GPBP1: variants seen among roughly 807,000 people sequenced by gnomAD.
GPBP1 encodes GC-rich promoter binding protein 1, also known as vasculin.
GPBP1 carries 13 observed loss-of-function variants against 56.5 expected under a neutral mutation model. The observed-to-expected ratio is 0.23, with a 90% confidence interval of 0.15 to 0.37. The LOEUF (loss-of-function observed/expected upper bound fraction) is 0.37, where lower values mean the gene tolerates loss of function less well. Among genes scored for constraint, GPBP1 ranks in the 10% least tolerant of loss-of-function variants. The probability of loss-of-function intolerance (pLI) is 1.00; values close to 1 mark genes in which losing one functional copy is unlikely to be tolerated. For synonymous variants in GPBP1, 204 were observed against 188.9 expected (o/e 1.08, Z -0.66); for missense variants, 477 against 572.3 (o/e 0.83, Z 1.70).
intron 10 of GPBP1, among the ~76,000 whole-genome samples, chr5:57,255,491 G>A (rs1741617017): frequency 6.6e-6 from 1 of 152,230 alleles, no homozygotes; most frequent in Non-Finnish European, 1.5e-5. Context: ...GGTAGAAAGG[G>A]AAAAGGCCTG....
intron 5 of GPBP1, among the ~76,000 whole-genome samples, chr5:57,234,924 G>T (rs961738319): frequency 2.0e-5 from 3 of 152,126 alleles, no homozygotes; most frequent in Admixed American, 1.3e-4. Flanking sequence ...GAAACCTGAA[G>T]CAGAGAAACC....
chr5:57,195,266 C>G (rs999330620), intron 2 of GPBP1, among the ~76,000 whole-genome samples: 2 of 152,050 alleles, frequency 1.3e-5, no homozygotes, highest in Non-Finnish European at 2.9e-5. Flanking sequence ...AGTGGTCCTC[C>G]CATGTCAGCC....
At chr5:57,239,996 C>T (rs991857737) in intron 6 of GPBP1, among the ~76,000 whole-genome samples, 2 of 152,080 alleles carry the variant, frequency 1.3e-5, no homozygotes, top group African/African-American at 2.4e-5. Flanking sequence ...TGCAGTGGCT[C>T]ATGCCTGTAA....
chr5:57,255,037 A>C (rs1423376749), intron 10 of GPBP1, among the ~76,000 whole-genome samples: 2 of 152,242 alleles, frequency 1.3e-5, no homozygotes, highest in Admixed American at 1.3e-4. Context: ...TAAAAAGATT[A>C]ACATAAACAG....
At chr5:57,189,483 C>T (rs1300051855) in intron 2 of GPBP1, among the ~76,000 whole-genome samples, 1 of 152,182 alleles carries the variant, frequency 6.6e-6, no homozygotes, top group African/African-American at 2.4e-5. Flanking sequence ...GTCTCGAACT[C>T]CTGGCCTGTG....
chr5:57,215,809 G>C (rs1263924332), intron 3 of GPBP1, among the ~76,000 whole-genome samples: 4 of 151,646 alleles, frequency 2.6e-5, no homozygotes, highest in African/African-American at 9.7e-5. Flanking sequence ...GCAATAGCCT[G>C]AATCTTCTAA....
intron 2 of GPBP1, among the ~76,000 whole-genome samples, chr5:57,209,499 C>G (rs771612119): frequency 6.6e-6 from 1 of 152,094 alleles, no homozygotes; most frequent in Non-Finnish European, 1.5e-5. Flanking sequence ...TGCCTAGTTG[C>G]TATGGTTAGA....
chr5:57,254,692 CAAA>C (rs541890019), intron 10 of GPBP1, among the ~76,000 whole-genome samples: 15 of 79,802 alleles, frequency 1.9e-4, no homozygotes, highest in Non-Finnish European at 1.9e-4. Context: ...GAGACTGTCT[CAAA>C]AAAAAAAAAA....
chr5:57,248,489 G>T (rs1374214985), intron 8 of GPBP1, among the ~76,000 whole-genome samples: 1 of 147,678 alleles, frequency 6.8e-6, no homozygotes, highest in Admixed American at 6.9e-5. Flanking sequence ...GTGCAGTGGC[G>T]GGATCTCGGC....
intron 10 of GPBP1, 97 bp downstream of exon 10, chr5:57,251,238 A>G (rs571145468): frequency 1.6e-5 from 16 of 1,001,272 alleles, no homozygotes; most frequent in Non-Finnish European, 1.5e-6. Context: ...ATTGGAATAC[A>G]ACTTACGCCA....
intron 6 of GPBP1, among the ~76,000 whole-genome samples, chr5:57,242,910 T>G (rs548956100): frequency 6.6e-6 from 1 of 151,916 alleles, no homozygotes; most frequent in Admixed American, 6.6e-5. Flanking sequence ...CCACCACACC[T>G]GGCTAACTTT....
chr5:57,249,313 G>A (rs1741249946), intron 8 of GPBP1, 96 bp from the exon 9 acceptor site: 1 of 912,644 alleles, frequency 1.1e-6, no homozygotes, highest in South Asian at 1.8e-5. Flanking sequence ...TATTTTGTGA[G>A]TAAAGGTAAA....
intron 2 of GPBP1, among the ~76,000 whole-genome samples, chr5:57,204,133 T>C (rs1561336292): frequency 6.6e-6 from 1 of 152,202 alleles, no homozygotes; most frequent in Non-Finnish European, 1.5e-5. Context: ...TAATAAAGTT[T>C]CGTTAATTAT....
intron 2 of GPBP1, among the ~76,000 whole-genome samples, chr5:57,188,517 G>T (rs1754385573): frequency 6.6e-6 from 1 of 151,918 alleles, no homozygotes; most frequent in African/African-American, 2.4e-5. Context: ...GAGGCAGGTG[G>T]ATTGCTCGGG....
chr5:57,177,658 T>TC (rs1437223195), intron 2 of GPBP1, among the ~76,000 whole-genome samples: 2 of 74,102 alleles, frequency 2.7e-5, no homozygotes, highest in African/African-American at 4.0e-5. Flanking sequence ...CTTTTTTTTT[T>TC]TTTTTTTTTT....
At position 57,226,553 on chromosome 5, in the gene GPBP1, C is replaced by CTTT. The variant is rs34180383; in HGVS notation, c.64-4271_64-4269dup. Among the ~76,000 whole-genome samples, 584 of 62,140 alleles carry CTTT rather than the reference C, an allele frequency of 9.4e-3. 31 individuals carry two copies. Among genetic ancestry groups the CTTT allele is most frequent in the African/African-American group, 0.025 (387 of 15,252 alleles). 40.8% of individuals were successfully genotyped at this position (62,140 alleles called of 152,430 possible). On this transcript the variant is annotated intron_variant, in intron 3 of 11. Transcript: ENST00000506184. ...TCATCCTGGGCTCTGAGCATTTTTG[C>CTTT]TTTTTTTTTTTTTTTTTTTTTTTTG... is the stretch of plus-strand genomic sequence containing the variant.
At chr5:57,209,215 TC>T (rs1456708366) in intron 2 of GPBP1, among the ~76,000 whole-genome samples, 1 of 152,224 alleles carries the variant, frequency 6.6e-6, no homozygotes, top group African/African-American at 2.4e-5. Context: ...ACATATTTTT[TC>T]TGGACTCTTT....
chr5:57,187,246 A>G (rs142865240), intron 2 of GPBP1, among the ~76,000 whole-genome samples: 192 of 152,264 alleles, frequency 1.3e-3, no homozygotes, highest in South Asian at 6.0e-3. Flanking sequence ...TCGTATGTCA[A>G]TCTTCTTTTA....
At chr5:57,249,615 A>G (rs752924185) in intron 9 of GPBP1, 39 bp downstream of exon 9, 1 of 1,513,522 alleles carries the variant, frequency 6.6e-7, no homozygotes, top group Non-Finnish European at 9.0e-7. Context: ...TGACATTGAT[A>G]TGTCATTGAA....
Sources: allele counts gnomAD v4.1 joint callset (sites outside exome capture counted in the v4.1 genomes callset), GRCh38; gene constraint gnomAD v4.1.1; transcripts MANE v1.5; gene names NCBI Gene and HGNC (gene_info 2026-07-23, HGNC 2026-07-21).